JMJD1C: variants seen among roughly 807,000 people sequenced by gnomAD.
JMJD1C encodes the protein jumonji domain containing 1C, also known as jumonji domain-containing protein 1C.
Under a neutral mutation model 245.3 loss-of-function variants are expected in JMJD1C, and 31 were observed. The ratio of observed to expected loss-of-function variants is 0.13; its 90% CI spans 0.09 to 0.17. The LOEUF (loss-of-function observed/expected upper bound fraction) is 0.17, where lower values mean the gene tolerates loss of function less well. Ranked by LOEUF, JMJD1C falls within the 10% of genes least tolerant of loss-of-function variation. The pLI is 1.00. For missense variants in JMJD1C, 2,691 were observed against 3,000.2 expected (o/e 0.90, Z 2.41); for synonymous variants, 1,057 against 1,017.4 (o/e 1.04, Z -0.74).
chr10:63,486,061 G>A (rs541097369), intron 1 of JMJD1C, among the ~76,000 whole-genome samples: 4 of 146,492 alleles, frequency 2.7e-5, no homozygotes, highest in East Asian at 2.1e-4. Context: ...AGTGATAGAC[G>A]TGACAAAGCC....
intron 1 of JMJD1C, among the ~76,000 whole-genome samples, chr10:63,492,389 G>A (rs112052540): frequency 0.037 from 5,628 of 152,332 alleles, 334 homozygotes; most frequent in East Asian, 0.29. Flanking sequence ...GAAATGGCCA[G>A]GCACAGTGAC....
At chr10:63,273,035 T>C (rs1017400887) in intron 2 of JMJD1C, among the ~76,000 whole-genome samples, 1 of 152,180 alleles carries the variant, frequency 6.6e-6, no homozygotes, top group African/African-American at 2.4e-5. Flanking sequence ...AAACCAAACA[T>C]TCATTTTTAA....
chr10:63,326,513 C>T (rs4525102), intron 2 of JMJD1C, among the ~76,000 whole-genome samples: 130,777 of 152,180 alleles, frequency 0.86, 56,896 homozygotes, highest in African/African-American at 0.96. Flanking sequence ...TAACATGAAA[C>T]ACTGAAGGTC....
At chr10:63,284,859 A>T (rs1217118736) in intron 2 of JMJD1C, among the ~76,000 whole-genome samples, 1 of 1,146 alleles carries the variant, frequency 8.7e-4, no homozygotes, top group African/African-American at 1.7e-3. Flanking sequence ...GGGAAGATTC[A>T]CACACACACA....
At chr10:63,307,868 G>C (rs2134027309) in intron 2 of JMJD1C, among the ~76,000 whole-genome samples, 1 of 152,212 alleles carries the variant, frequency 6.6e-6, no homozygotes. Flanking sequence ...TGGGAAATCA[G>C]GCTGGGCACG....
At chr10:63,338,640 A>ATTTTTTTTTTT (rs34238197) in intron 2 of JMJD1C, among the ~76,000 whole-genome samples, 5 of 95,126 alleles carry the variant, frequency 5.3e-5, no homozygotes, top group African/African-American at 1.7e-4. Flanking sequence ...TGCTCCTTAG[A>ATTTTTTTTTTT]TTTTTTTTTT....
At chr10:63,175,981 T>TC (rs572866532) in intron 24 of JMJD1C, among the ~76,000 whole-genome samples, 4 of 152,108 alleles carry the variant, frequency 2.6e-5, no homozygotes, top group African/African-American at 4.8e-5. Flanking sequence ...GTATACTGTG[T>TC]CCCCCCATGC....
intron 1 of JMJD1C, chr10:63,382,687 C>T (rs1176145217): frequency 2.3e-6 from 1 of 436,100 alleles, no homozygotes; most frequent in South Asian, 1.6e-5. Context: ...GCTCATAGGA[C>T]ATTCAATCAT....
chr10:63,219,073 A>C (rs895444409), intron 4 of JMJD1C, among the ~76,000 whole-genome samples: 6 of 152,156 alleles, frequency 3.9e-5, no homozygotes, highest in African/African-American at 1.4e-4. Context: ...GAGGTGAATG[A>C]AAGTTCACTG....
chr10:63,182,181 C>T (rs1564561743), intron 22 of JMJD1C, among the ~76,000 whole-genome samples: 1 of 152,160 alleles, frequency 6.6e-6, no homozygotes, highest in Non-Finnish European at 1.5e-5. Flanking sequence ...TGGATGTCAT[C>T]CACAGAATTT....
rs1948513872 is a variant in JMJD1C, at chr10:63,396,736, A to T, written c.169-16254T>A. On this transcript the variant is annotated intron_variant, in intron 1 of 25. Transcript: ENST00000399262. ...ATATTTCTATTTTGTAGAGAAGAGAAACTAATAATACAATAGGCACAGAGC... is the reference window on the plus strand; with the variant it reads ...ATATTTCTATTTTGTAGAGAAGAGATACTAATAATACAATAGGCACAGAGC... Among the ~76,000 whole-genome samples the T allele has an allele frequency of 2.0e-5, 3 of 152,144 alleles. No homozygotes were observed. The South Asian group carries it at 6.2e-4, about 31-fold the overall frequency.
chr10:63,467,833 A>G (rs1368908461), upstream of JMJD1C, among the ~76,000 whole-genome samples: 1 of 152,226 alleles, frequency 6.6e-6, no homozygotes, highest in Non-Finnish European at 1.5e-5. Context: ...GCATGATGCA[A>G]TTGTAAAAAT....
intron 2 of JMJD1C, among the ~76,000 whole-genome samples, chr10:63,351,308 G>A (rs939670301): frequency 6.6e-6 from 1 of 151,538 alleles, no homozygotes; most frequent in African/African-American, 2.4e-5. Flanking sequence ...GGCTGGTCTT[G>A]AACTCCTGAC....
chr10:63,214,489 C>A lies in JMJD1C; in HGVS notation c.1678G>T (p.Asp560Tyr), dbSNP rs1267348798. ...NAKFLETAKK[D>Y]SDQSWVSDVV... The stretch of plus-strand genomic sequence containing the variant: ...TCACTGACCCAGCTCTGGTCAGAAT[C>A]TTTTTTTGCTGTTTCCAAGAATTTT... The change falls in exon 8 of 26, where the codon GAT (aspartate) becomes TAT (tyrosine). Residue 560 changes from aspartate to tyrosine, a missense_variant. By Grantham distance (160) the Asp-to-Tyr change is radical. Around this residue, in one of 9 missense-constraint regions of JMJD1C, gnomAD observed 1,562 missense variants for 1,490.7 expected, o/e 1.05. Coordinates refer to ENST00000399262, the MANE Select transcript of JMJD1C (RefSeq NM_032776.3). The A allele has an allele frequency of 1.2e-6, 2 of 1,613,920 alleles. No homozygotes were observed.
At chr10:63,193,891 C>T (rs773730050) in intron 14 of JMJD1C, among the ~76,000 whole-genome samples, 8 of 152,232 alleles carry the variant, frequency 5.3e-5, no homozygotes, top group Non-Finnish European at 1.0e-4. Context: ...TGGTCTCGAT[C>T]TCCTGACCTC....
At chr10:63,422,896 A>G (rs1169735126) in intron 1 of JMJD1C, among the ~76,000 whole-genome samples, 1 of 152,190 alleles carries the variant, frequency 6.6e-6, no homozygotes, top group Admixed American at 6.5e-5. Flanking sequence ...TTTTAAATGT[A>G]TAATTTAAGG....
chr10:63,459,958 T>G (rs1231884737), intron 1 of JMJD1C, among the ~76,000 whole-genome samples: 2 of 152,336 alleles, frequency 1.3e-5, no homozygotes, highest in East Asian at 3.9e-4. Flanking sequence ...TATGTCAGCT[T>G]TGCCTTCAAA....
chr10:63,284,296 G>A (rs1044918359), intron 2 of JMJD1C, among the ~76,000 whole-genome samples: 2 of 152,170 alleles, frequency 1.3e-5, no homozygotes, highest in Non-Finnish European at 2.9e-5. Flanking sequence ...AAAGTGCTGG[G>A]ATTACAGGAG....
intron 2 of JMJD1C, among the ~76,000 whole-genome samples, chr10:63,319,117 G>A (rs991183585): frequency 7.9e-5 from 12 of 151,804 alleles, no homozygotes; most frequent in African/African-American, 1.7e-4. Context: ...AAAATTAGCC[G>A]GGTGTGGTGG....
Sources: allele counts gnomAD v4.1 joint callset (sites outside exome capture counted in the v4.1 genomes callset), GRCh38; gene constraint gnomAD v4.1.1; regional missense constraint gnomAD v4.1.1; transcripts MANE v1.5; gene names NCBI Gene and HGNC (gene_info 2026-07-23, HGNC 2026-07-21).